TCERG1L: variants seen among roughly 807,000 people sequenced by gnomAD.
TCERG1L encodes the protein transcription elongation regulator 1 like.
A neutral mutation model predicts 56.3 loss-of-function variants in TCERG1L; 37 were observed. That is an observed-to-expected ratio of 0.66 (90% CI 0.51 to 0.87). The LOEUF (loss-of-function observed/expected upper bound fraction) is 0.87. TCERG1L is among the 40% of genes least tolerant of loss of function. The probability of loss-of-function intolerance (pLI) is 0.00; values close to 1 mark genes in which losing one functional copy is unlikely to be tolerated. For synonymous variants in TCERG1L, 324 were observed against 326.3 expected (o/e 0.99, Z 0.08); for missense variants, 799 against 774.2 (o/e 1.03, Z -0.38).
chr10:131,259,251 A>G (rs1846208056), intron 4 of TCERG1L, among the ~76,000 whole-genome samples: 1 of 152,212 alleles, frequency 6.6e-6, no homozygotes, highest in African/African-American at 2.4e-5. Context: ...TCTACCATAA[A>G]GTAGTAGGTA....
chr10:131,099,747 C>CA (rs747439348), intron 10 of TCERG1L, among the ~76,000 whole-genome samples: 8 of 152,184 alleles, frequency 5.3e-5, no homozygotes, highest in Non-Finnish European at 7.3e-5. Flanking sequence ...ATTATGAATA[C>CA]AAAATGCCAC....
intron 6 of TCERG1L, among the ~76,000 whole-genome samples, chr10:131,152,003 G>GT (rs879417284): frequency 2.6e-5 from 4 of 152,206 alleles, no homozygotes; most frequent in Non-Finnish European, 5.9e-5. Context: ...AGGGCACCTT[G>GT]TTTCAAGGCT....
intron 3 of TCERG1L, among the ~76,000 whole-genome samples, chr10:131,298,697 A>G (rs2133580218): frequency 6.6e-6 from 1 of 152,362 alleles, no homozygotes; most frequent in African/African-American, 2.4e-5. Flanking sequence ...TAGAGGCATG[A>G]GCCACGGCGT....
intron 3 of TCERG1L, among the ~76,000 whole-genome samples, chr10:131,290,829 G>A (rs1033845195): frequency 4.6e-5 from 7 of 151,838 alleles, no homozygotes; most frequent in East Asian, 3.9e-4. Flanking sequence ...GAATAATGTC[G>A]CGCACTACCA....
At chr10:131,200,275 G>A (rs574810576) in intron 4 of TCERG1L, among the ~76,000 whole-genome samples, 32 of 152,268 alleles carry the variant, frequency 2.1e-4, no homozygotes, top group African/African-American at 7.7e-4. Flanking sequence ...CTGAGGCTGG[G>A]TATTTTATGA....
At chr10:131,241,713 T>C (rs1234050063) in intron 4 of TCERG1L, among the ~76,000 whole-genome samples, 1 of 152,034 alleles carries the variant, frequency 6.6e-6, no homozygotes, top group Admixed American at 6.6e-5. Context: ...AGAACACGTA[T>C]TAACAGCAGG....
At chr10:131,124,300 C>G (rs191160882) in intron 8 of TCERG1L, among the ~76,000 whole-genome samples, 1 of 152,164 alleles carries the variant, frequency 6.6e-6, no homozygotes, top group African/African-American at 2.4e-5. Flanking sequence ...ATTCTACTTT[C>G]CAAAAGAACA....
chr10:131,222,178 C>T (rs916236221), intron 4 of TCERG1L, among the ~76,000 whole-genome samples: 1 of 152,206 alleles, frequency 6.6e-6, no homozygotes, highest in Non-Finnish European at 1.5e-5. Flanking sequence ...GCCGCTTCTC[C>T]GCGGCATGCG....
intron 4 of TCERG1L, among the ~76,000 whole-genome samples, chr10:131,253,619 G>C (rs973705765): frequency 1.3e-5 from 2 of 152,140 alleles, no homozygotes; most frequent in African/African-American, 4.8e-5. Flanking sequence ...GTGTTTGTCT[G>C]TTTGTTAGGA....
At chr10:131,178,357 GTC>G (rs1182317880) in intron 4 of TCERG1L, among the ~76,000 whole-genome samples, 1 of 152,216 alleles carries the variant, frequency 6.6e-6, no homozygotes, top group Non-Finnish European at 1.5e-5. Context: ...GTATCTGAAT[GTC>G]TCTTGTTCCT....
At chr10:131,244,393 G>A (rs1045891068) in intron 4 of TCERG1L, among the ~76,000 whole-genome samples, 5 of 152,204 alleles carry the variant, frequency 3.3e-5, no homozygotes, top group African/African-American at 7.2e-5. Flanking sequence ...GGAGGTTTAC[G>A]TTCAGAACAG....
At chr10:131,231,182 G>A (rs1456158918) in intron 4 of TCERG1L, among the ~76,000 whole-genome samples, 5 of 152,180 alleles carry the variant, frequency 3.3e-5, no homozygotes, top group Admixed American at 1.3e-4. Context: ...CAGACTGCCC[G>A]AGGGCTGCCA....
At chr10:131,137,426 C>A (rs1682869197) in intron 7 of TCERG1L, among the ~76,000 whole-genome samples, 1 of 152,228 alleles carries the variant, frequency 6.6e-6, no homozygotes, top group Non-Finnish European at 1.5e-5. Flanking sequence ...CACAGAGGCT[C>A]TCTCAACTCC....
chr10:131,291,401 CTTT>C (rs71009957), intron 3 of TCERG1L, among the ~76,000 whole-genome samples: 10 of 36,590 alleles, frequency 2.7e-4, no homozygotes, highest in East Asian at 1.1e-3. Context: ...AACAGCATTT[CTTT>C]TTTTTTTTTT....
chr10:131,173,000 C>T (rs945142384), intron 4 of TCERG1L, among the ~76,000 whole-genome samples: 26 of 149,066 alleles, frequency 1.7e-4, no homozygotes, highest in Admixed American at 1.4e-4. Context: ...AATTGATTAT[C>T]TTGCCTCGGC....
Position 131,237,429 on chromosome 10 carries a change from T to C in TCERG1L, c.856+22830A>G, listed in dbSNP as rs76262299. ...CCTCAGAGATTTTTGTTTCTCAAGA[T>C]TTTCCACTTACCAAAAACAGTTCCT... On this transcript the variant is annotated intron_variant, in intron 4 of 11. Coordinates refer to ENST00000368642, the MANE Select transcript of TCERG1L (RefSeq NM_174937.4). Among the ~76,000 whole-genome samples, 7 of 152,254 alleles carry C rather than the reference T, an allele frequency of 4.6e-5. No homozygotes were observed. In the East Asian group the frequency reaches 1.4e-3, roughly 29 times the overall value.
At chr10:131,251,994 C>T (rs905171827) in intron 4 of TCERG1L, among the ~76,000 whole-genome samples, 13 of 152,196 alleles carry the variant, frequency 8.5e-5, no homozygotes, top group Non-Finnish European at 1.6e-4. Flanking sequence ...CCTGTGAATC[C>T]GATGGGGGAC....
At chr10:131,128,676 A>C (rs193102385) in intron 8 of TCERG1L, among the ~76,000 whole-genome samples, 6 of 152,324 alleles carry the variant, frequency 3.9e-5, no homozygotes, top group Admixed American at 3.9e-4. Flanking sequence ...GGGAGCCAAT[A>C]GTTTATGAGG....
rs1322144412 is a variant in TCERG1L at position 131,260,963 on chromosome 10, G to C, written c.671-519C>G. 6.6e-6 allele frequency among the ~76,000 whole-genome samples: 1 copy of C among 152,124 alleles called. No homozygotes were observed. The highest frequency in any genetic ancestry group is 2.4e-5 in the African/African-American group (1 of 41,416). ...CAGGGAGAGGGCGGAGAGGTTTCCA[G>C]AGGGCACCAGGCTCAGCCGGGCCCT... is the stretch of plus-strand genomic sequence containing the variant. On this transcript the variant is annotated intron_variant, in intron 3 of 11. Coordinates refer to ENST00000368642, the MANE Select transcript of TCERG1L (RefSeq NM_174937.4). The surrounding 1 kb of genome is among the most constrained non-coding windows in gnomAD (Gnocchi z 5.8).
Sources: allele counts gnomAD v4.1 joint callset (sites outside exome capture counted in the v4.1 genomes callset), GRCh38; gene constraint gnomAD v4.1.1; non-coding constraint Gnocchi (gnomAD v3.1); transcripts MANE v1.5; gene names NCBI Gene and HGNC (gene_info 2026-07-23, HGNC 2026-07-21).